The following GALNTL6 variants were observed in gnomAD, a reference collection of about 807,000 sequenced individuals.
GALNTL6 encodes the protein polypeptide N-acetylgalactosaminyltransferase like 6.
A neutral mutation model predicts 73.7 loss-of-function variants in GALNTL6; 46 were observed. The ratio of observed to expected loss-of-function variants is 0.62; its 90% confidence interval spans 0.49 to 0.80. The LOEUF (loss-of-function observed/expected upper bound fraction) is 0.80, where lower values mean the gene tolerates loss of function less well. Among genes scored for constraint, GALNTL6 ranks in the 30% least tolerant of loss-of-function variants. The probability of loss-of-function intolerance (pLI) is 0.00; values close to 1 mark genes in which losing one functional copy is unlikely to be tolerated. For synonymous variants in GALNTL6, 259 were observed against 263.7 expected (o/e 0.98, Z 0.17); for missense variants, 604 against 755.0 (o/e 0.80, Z 2.34).
At position 172,164,772 on chromosome 4, in the gene GALNTL6, A is replaced by G. The variant is rs556721321; in HGVS notation, c.139-64884A>G. On this transcript the variant is annotated intron_variant, in intron 2 of 12. Transcript: ENST00000506823. ...AAATGATTGAGTTTTCAATCTTCTC[A>G]TAATTACTGTGTAGTTGTTCTGTAA... 2.6e-5 allele frequency among the ~76,000 whole-genome samples: 4 copies of G among 152,212 alleles called. No homozygotes were observed. In the East Asian group the frequency reaches 5.8e-4, roughly 22 times the overall value.
intron 2 of GALNTL6, among the ~76,000 whole-genome samples, chr4:172,093,031 G>A (rs1732250440): frequency 6.6e-6 from 1 of 151,414 alleles, no homozygotes. Flanking sequence ...CCACCACCAC[G>A]CCTGACTAAT....
chr4:172,735,497 A>G (rs563063152), intron 5 of GALNTL6, among the ~76,000 whole-genome samples: 84 of 152,310 alleles, frequency 5.5e-4, no homozygotes, highest in African/African-American at 1.9e-3. Context: ...GCTCGTAGGC[A>G]GAAGGGACTT....
At chr4:172,523,082 G>C (rs1365247459) in intron 5 of GALNTL6, among the ~76,000 whole-genome samples, 1 of 152,064 alleles carries the variant, frequency 6.6e-6, no homozygotes, top group Non-Finnish European at 1.5e-5. Context: ...TTGTCTCTTT[G>C]TTGGATTTGC....
rs537466348 is a variant in GALNTL6 at position 172,438,402 on chromosome 4, A to G, written c.553+89713A>G. Among the ~76,000 whole-genome samples the G allele has an allele frequency of 3.2e-4, 48 of 152,100 alleles. 1 individual carries two copies. In the South Asian group the frequency reaches 7.5e-3, roughly 24 times the overall value. ...TTCATGTAGTACTCTGATTCCAATA[A>G]TACTTGGTCCCACTACAACCTAGAA... On this transcript the variant is annotated intron_variant, in intron 5 of 12. Transcript: ENST00000506823.
chr4:172,846,919 A>T (rs918262807), intron 7 of GALNTL6, among the ~76,000 whole-genome samples: 1 of 151,818 alleles, frequency 6.6e-6, no homozygotes, highest in Non-Finnish European at 1.5e-5. Flanking sequence ...AATATATCAA[A>T]TTTTTTCTTT....
chr4:172,337,551 C>T (rs1455162406), intron 4 of GALNTL6, among the ~76,000 whole-genome samples: 1 of 151,872 alleles, frequency 6.6e-6, no homozygotes, highest in Non-Finnish European at 1.5e-5. Context: ...TTTAGTGGTA[C>T]ATTAATTTTT....
In GALNTL6 at chr4:172,686,055, A is replaced by G. The variant is rs183384104; in HGVS notation, c.554-123306A>G. Reference sequence around the variant, plus strand: ...TGGATTAAATATTCAAAATAATTAGACCACTATATTTTTTTAAAAATAAGC... The same window carrying G: ...TGGATTAAATATTCAAAATAATTAGGCCACTATATTTTTTTAAAAATAAGC... On this transcript the variant is annotated intron_variant, in intron 5 of 12. Coordinates refer to ENST00000506823, the MANE Select transcript of GALNTL6 (RefSeq NM_001034845.3). Among the ~76,000 whole-genome samples the G allele has an allele frequency of 1.1e-4, 17 of 152,278 alleles. No homozygotes were observed. The East Asian group carries it at 3.3e-3, about 29-fold the overall frequency.
At chr4:171,814,879 G>A (rs1579476727) in intron 2 of GALNTL6, 161 bp downstream of exon 2, 2 of 641,676 alleles carry the variant, frequency 3.1e-6, no homozygotes, top group East Asian at 5.5e-5. Context: ...TAAGCAAGTA[G>A]ATGTTTTAAG....
intron 2 of GALNTL6, among the ~76,000 whole-genome samples, chr4:171,923,467 G>A (rs964693427): frequency 2.7e-5 from 4 of 145,510 alleles, no homozygotes; most frequent in East Asian, 2.0e-4. Context: ...ATGTGATCTC[G>A]GCTCACTGCA....
intron 5 of GALNTL6, among the ~76,000 whole-genome samples, chr4:172,602,848 G>A (rs1010854364): frequency 1.3e-5 from 2 of 152,096 alleles, no homozygotes; most frequent in African/African-American, 4.8e-5. Flanking sequence ...ATCAAGATGT[G>A]AGAAAAACAA....
intron 5 of GALNTL6, among the ~76,000 whole-genome samples, chr4:172,618,930 G>C (rs1000128333): frequency 5.9e-5 from 9 of 152,008 alleles, no homozygotes; most frequent in Admixed American, 5.9e-4. Flanking sequence ...CACCATGTTG[G>C]CCAGGATGGT....
intron 7 of GALNTL6, among the ~76,000 whole-genome samples, chr4:172,860,526 A>G (rs1214220652): frequency 6.6e-6 from 1 of 152,184 alleles, no homozygotes; most frequent in Non-Finnish European, 1.5e-5. Context: ...TAAAAGAAAT[A>G]ACCTCTATGA....
intron 3 of GALNTL6, among the ~76,000 whole-genome samples, chr4:172,253,380 T>A (rs921170759): frequency 2.0e-5 from 3 of 151,836 alleles, no homozygotes; most frequent in African/African-American, 4.8e-5. Context: ...GTTTTAAATG[T>A]TGAGATGGAT....
intron 5 of GALNTL6, among the ~76,000 whole-genome samples, chr4:172,762,286 A>G (rs1003812236): frequency 4.6e-5 from 7 of 152,196 alleles, no homozygotes; most frequent in African/African-American, 1.4e-4. Flanking sequence ...GACAGATTCA[A>G]ATATTCACTT....
rs1553964465 is a variant in GALNTL6, at chr4:172,606,652, GTATATATATAC to G, written c.554-202698_554-202688del. On this transcript the variant is annotated intron_variant, in intron 5 of 12. Coordinates refer to ENST00000506823, the MANE Select transcript of GALNTL6 (RefSeq NM_001034845.3). ...ATACTATATATATACTATATATATA[GTATATATATAC>G]TATATATATATACTATATATATAGT... Among the ~76,000 whole-genome samples, 10 of 34,772 alleles carry G rather than the reference GTATATATATAC, an allele frequency of 2.9e-4. 1 individual carries two copies. The highest frequency in any genetic ancestry group is 6.0e-4 in the African/African-American group (10 of 16,640). The allele number at this position is 34,772 out of a possible 152,430, so 22.8% of individuals were successfully genotyped here.
At chr4:172,481,156 G>C (rs183146505) in intron 5 of GALNTL6, among the ~76,000 whole-genome samples, 2 of 152,186 alleles carry the variant, frequency 1.3e-5, no homozygotes, top group African/African-American at 4.8e-5. Context: ...TCGTGGTCTT[G>C]CTGGCTTCAG....
intron 3 of GALNTL6, among the ~76,000 whole-genome samples, chr4:172,286,193 C>T (rs1361307532): frequency 6.6e-6 from 1 of 152,112 alleles, no homozygotes; most frequent in East Asian, 1.9e-4. Flanking sequence ...GATAAAATAT[C>T]TGATATCTGG....
At chr4:171,913,831 T>G (rs1737540139) in intron 2 of GALNTL6, among the ~76,000 whole-genome samples, 1 of 150,708 alleles carries the variant, frequency 6.6e-6, no homozygotes, top group South Asian at 2.1e-4. Context: ...AAGTATGGAT[T>G]TAGCACAATA....
intron 2 of GALNTL6, among the ~76,000 whole-genome samples, chr4:172,024,428 A>G (rs1272708768): frequency 2.0e-5 from 3 of 151,794 alleles, no homozygotes; most frequent in Non-Finnish European, 4.4e-5. Flanking sequence ...TATTTAAGTG[A>G]TTCTCTATAT....
Sources: allele counts gnomAD v4.1 joint callset (sites outside exome capture counted in the v4.1 genomes callset), GRCh38; gene constraint gnomAD v4.1.1; transcripts MANE v1.5; gene names NCBI Gene and HGNC (gene_info 2026-07-23, HGNC 2026-07-21).